Variants in C10orf143 observed in about 807,000 individuals in gnomAD.
The protein encoded by C10orf143 is chromosome 10 open reading frame 143, also known as uncharacterized protein C10orf143.
chr10:130,048,193 A>G (rs1483803649), intron 3 of C10orf143, among the ~76,000 whole-genome samples: 1 of 152,124 alleles, frequency 6.6e-6, no homozygotes, highest in East Asian at 1.9e-4. Flanking sequence ...CCCTCTGTGG[A>G]TATATGACGG....
At chr10:130,057,054 C>CT (rs1719135993) in intron 3 of C10orf143, among the ~76,000 whole-genome samples, 1 of 124,228 alleles carries the variant, frequency 8.0e-6, no homozygotes, top group Admixed American at 8.6e-5. Flanking sequence ...GCAGGCCCAG[C>CT]TATTTTTTTT....
chr10:130,100,591 A>G (rs1861532432), intron 1 of C10orf143, among the ~76,000 whole-genome samples: 1 of 152,200 alleles, frequency 6.6e-6, no homozygotes, highest in Non-Finnish European at 1.5e-5. Flanking sequence ...GAGTTAATAT[A>G]ACTGTATATG....
At chr10:130,093,878 C>T (rs944644689) in intron 1 of C10orf143, among the ~76,000 whole-genome samples, 49 of 151,712 alleles carry the variant, frequency 3.2e-4, no homozygotes, top group Non-Finnish European at 4.9e-4. Flanking sequence ...AGTGTAGTGG[C>T]GGGCACCTGT....
downstream of C10orf143, among the ~76,000 whole-genome samples, chr10:130,062,160 G>A (rs1312834377): frequency 6.6e-6 from 1 of 152,148 alleles, no homozygotes; most frequent in Non-Finnish European, 1.5e-5. Context: ...CCAAGAAAAT[G>A]TTGCCATCCC....
rs746624909 is a variant in C10orf143 at position 130,107,448 on chromosome 10, C to G, written c.69+3256G>C. The stretch of plus-strand genomic sequence containing the variant: ...CATAACTGGTTGGCAGCTTGGGCTG[C>G]TGAAAGAAACCTCAATGATTTAAGG... On this transcript the variant is annotated intron_variant, in intron 1 of 3. Transcript: ENST00000637128. The G allele has an allele frequency of 4.6e-4, 641 of 1,396,714 alleles. 2 individuals are homozygous for G. The highest frequency in any genetic ancestry group is 5.8e-4 in the Non-Finnish European group (568 of 983,134). 86.5% of individuals were successfully genotyped at this position (1,396,714 alleles called of 1,614,324 possible).
intron 1 of C10orf143, among the ~76,000 whole-genome samples, chr10:130,090,175 C>T (rs1277929507): frequency 6.6e-6 from 1 of 152,144 alleles, no homozygotes; most frequent in African/African-American, 2.4e-5. Context: ...AAGATCAATG[C>T]AGAAGGCGGG....
Position 130,048,202 on chromosome 10 carries a change from G to A in C10orf143, c.298-12232C>T, listed in dbSNP as rs111290288. ...TGCCAGCCCTCTGTGGATATATGACGGCTGTCTGGGGGTCAGCTGTCCAGC... is the reference window on the plus strand; with the variant it reads ...TGCCAGCCCTCTGTGGATATATGACAGCTGTCTGGGGGTCAGCTGTCCAGC... On this transcript the variant is annotated intron_variant and NMD_transcript_variant, in intron 3 of 5. Coordinates refer to the C10orf143 transcript ENST00000643056. Among the ~76,000 whole-genome samples, 220 of 152,264 alleles carry A rather than the reference G, an allele frequency of 1.4e-3. 1 individual carries two copies. The highest frequency in any genetic ancestry group is 2.1e-3 in the Non-Finnish European group (144 of 68,004).
At chr10:130,076,347 C>T (rs780680443) in intron 3 of C10orf143, among the ~76,000 whole-genome samples, 1 of 152,158 alleles carries the variant, frequency 6.6e-6, no homozygotes, top group Non-Finnish European at 1.5e-5. Flanking sequence ...CAATGCCTCA[C>T]GTTGGCTGGA....
rs72843881 is a variant in C10orf143, at chr10:130,063,990, G to A, written c.*364C>T. The A allele has an allele frequency of 0.16, 31,760 of 197,588 alleles. 3,343 individuals are homozygous for A. Among genetic ancestry groups the A allele is most frequent in the Non-Finnish European group, 0.22 (21,264 of 98,032 alleles). The allele number at this position is 197,588 out of a possible 1,614,324, so 12.2% of individuals were successfully genotyped here. A position where few individuals can be genotyped will look rare whatever the true frequency, so the allele number is the denominator to read the frequency against. On this transcript the variant is annotated 3_prime_UTR_variant, in exon 4 of 4. Transcript: ENST00000637128. ...CGAAAAAGCATGATGGCGGGGCTGC[G>A]TCTGGGTGGGCCTCCATAGGCCATG...
At position 130,056,833 on chromosome 10, in the gene C10orf143, C is replaced by T. The variant is rs373945205; in HGVS notation, c.298-20863G>A. On this transcript the variant is annotated intron_variant and NMD_transcript_variant, in intron 3 of 5. Transcript: ENST00000643056. This position sits in a 1 kb window ranked among gnomAD's most constrained non-coding sequence, Gnocchi z 4.6. ...GTCTCGATCTCCTGACCTCATGATC[C>T]GCCTGCCTCGGTCTCCCAAAGTGCT... is the stretch of plus-strand genomic sequence containing the variant. Among the ~76,000 whole-genome samples the T allele has an allele frequency of 2.6e-5, 4 of 152,036 alleles. No homozygotes were observed. The highest frequency in any genetic ancestry group is 4.4e-5 in the Non-Finnish European group (3 of 68,028).
chr10:130,053,350 C>T (rs1440619761), intron 3 of C10orf143, among the ~76,000 whole-genome samples: 1 of 152,210 alleles, frequency 6.6e-6, no homozygotes, highest in Non-Finnish European at 1.5e-5. Context: ...GGATTACAGG[C>T]GTGAGCCACC....
intron 1 of C10orf143, chr10:130,106,972 A>C: frequency 1.9e-6 from 2 of 1,030,528 alleles, no homozygotes; most frequent in Non-Finnish European, 3.1e-6. Context: ...CTCTAAAAGG[A>C]GCTCTGAAGA....
intron 1 of C10orf143, among the ~76,000 whole-genome samples, chr10:130,081,937 T>C (rs1476656852): frequency 6.7e-6 from 1 of 150,118 alleles, no homozygotes; most frequent in Non-Finnish European, 1.5e-5. Context: ...TAGTTGATAC[T>C]AACGGTCACA....
chr10:130,095,716 T>G (rs1861451769), intron 1 of C10orf143, among the ~76,000 whole-genome samples: 1 of 105,022 alleles, frequency 9.5e-6, no homozygotes, highest in South Asian at 2.8e-4. Context: ...TAATAAATAG[T>G]GTTGGGAAGA....
intron 1 of C10orf143, among the ~76,000 whole-genome samples, chr10:130,091,239 T>TG (rs1564966404): frequency 6.6e-6 from 1 of 152,046 alleles, no homozygotes; most frequent in Non-Finnish European, 1.5e-5. Flanking sequence ...CAGCAATCTT[T>TG]GGTGTTCTGC....
intron 1 of C10orf143, among the ~76,000 whole-genome samples, chr10:130,109,733 A>G (rs975724723): frequency 9.9e-5 from 15 of 152,052 alleles, no homozygotes; most frequent in African/African-American, 3.6e-4. Context: ...GAGGAAAGAG[A>G]TGGTGCAGGG....
chr10:130,089,968 GA>G (rs960915323), intron 1 of C10orf143, among the ~76,000 whole-genome samples: 18 of 151,930 alleles, frequency 1.2e-4, no homozygotes, highest in East Asian at 3.9e-4. Context: ...AGAACATAGG[GA>G]AAAAAAATCC....
At chr10:130,057,924 C>T (rs1457202537) in intron 3 of C10orf143, among the ~76,000 whole-genome samples, 1 of 152,220 alleles carries the variant, frequency 6.6e-6, no homozygotes, top group Non-Finnish European at 1.5e-5. Context: ...CCCAGGCCCT[C>T]AGACGTCATG....
intron 1 of C10orf143, chr10:130,106,908 A>T: frequency 9.7e-7 from 1 of 1,029,690 alleles, no homozygotes; most frequent in Non-Finnish European, 1.5e-6. Context: ...GTAACGGATG[A>T]TGATAACTTA....
Sources: gnomAD v4.1 joint callset for allele counts (sites outside exome capture counted in the v4.1 genomes callset) on GRCh38, gnomAD v4.1.1 for gene constraint, Gnocchi (gnomAD v3.1) non-coding constraint, MANE v1.5 for transcripts, NCBI Gene and HGNC (gene_info 2026-07-23, HGNC 2026-07-21) for gene names.